PLCH1: variants seen among roughly 807,000 people sequenced by gnomAD.
The protein encoded by PLCH1 is 1-phosphatidylinositol 4,5-bisphosphate phosphodiesterase eta-1.
A neutral mutation model predicts 126.7 loss-of-function variants in PLCH1; 60 were observed. That is an observed-to-expected ratio of 0.47 (90% CI 0.38 to 0.59). The LOEUF is 0.59. Among genes scored for constraint, PLCH1 ranks in the 20% least tolerant of loss-of-function variants. The probability of loss-of-function intolerance (pLI) is 0.00; values close to 1 mark genes in which losing one functional copy is unlikely to be tolerated. For missense variants in PLCH1, 1,723 were observed against 2,040.0 expected, an observed-to-expected ratio of 0.84 and a Z score of 2.99; for synonymous variants, 719 against 734.9, an observed-to-expected ratio of 0.98 and a Z score of 0.35.
At chr3:155,485,306 G>C (rs1229210426) in intron 22 of PLCH1, 50 bp downstream of exon 22, 1 of 1,162,724 alleles carries the variant, frequency 8.6e-7, no homozygotes, top group South Asian at 1.4e-5. Context: ...AACAGGGACT[G>C]ACATGCAGCC....
At chr3:155,650,919 TC>T (rs1263838086) in intron 2 of PLCH1, among the ~76,000 whole-genome samples, 2 of 152,100 alleles carry the variant, frequency 1.3e-5, no homozygotes, top group Non-Finnish European at 2.9e-5. Flanking sequence ...GTGCCTGCAG[TC>T]CCAGCTACTA....
At position 155,569,730 on chromosome 3, in the gene PLCH1, G is replaced by A. The variant is rs555958806; in HGVS notation, c.772-1406C>T. Among the ~76,000 whole-genome samples the A allele has an allele frequency of 1.3e-4, 20 of 152,182 alleles. No homozygotes were observed. In the South Asian group the frequency reaches 1.7e-3, roughly 13 times the overall value. ...CAAATTGATAACAATTTTACATGCCGTGTGAAGACTAAGTTCACTTTGCAA... is the reference window on the plus strand; with the variant it reads ...CAAATTGATAACAATTTTACATGCCATGTGAAGACTAAGTTCACTTTGCAA... On this transcript the variant is annotated intron_variant, in intron 6 of 22. Coordinates refer to ENST00000460012, the MANE Select transcript of PLCH1 (RefSeq NM_014996.4).
chr3:155,590,294 C>A (rs1477701683), intron 4 of PLCH1, among the ~76,000 whole-genome samples: 1 of 152,144 alleles, frequency 6.6e-6, no homozygotes, highest in East Asian at 1.9e-4. Context: ...AAGATACTAT[C>A]TAGGCCAGGT....
chr3:155,673,458 G>T (rs761646416), intron 2 of PLCH1, among the ~76,000 whole-genome samples: 14 of 151,978 alleles, frequency 9.2e-5, no homozygotes, highest in Non-Finnish European at 1.6e-4. Flanking sequence ...TCCACAAGAA[G>T]CTCTCCATTT....
intron 10 of PLCH1, among the ~76,000 whole-genome samples, chr3:155,543,178 C>T (rs1326134540): frequency 6.6e-6 from 1 of 152,046 alleles, no homozygotes; most frequent in African/African-American, 2.4e-5. Context: ...AGAACCAATA[C>T]AGAGAAGTAC....
intron 2 of PLCH1, among the ~76,000 whole-genome samples, chr3:155,600,602 T>TAA (rs5853725): frequency 0.012 from 1,526 of 128,214 alleles, 25 homozygotes; most frequent in African/African-American, 0.047. Flanking sequence ...TTAAGATAGC[T>TAA]AAAAAAAAAA....
intron 10 of PLCH1, among the ~76,000 whole-genome samples, chr3:155,544,512 G>C (rs1724902354): frequency 6.6e-6 from 1 of 152,094 alleles, no homozygotes; most frequent in Non-Finnish European, 1.5e-5. Context: ...TCCAGGAATT[G>C]AAGTCAGCTC....
chr3:155,511,359 A>G (rs1719456488), intron 12 of PLCH1, among the ~76,000 whole-genome samples: 1 of 129,846 alleles, frequency 7.7e-6, no homozygotes, highest in African/African-American at 3.7e-5. Context: ...TCAGCTCGTC[A>G]AAATCATTCT....
rs9289957 is a variant in PLCH1 at position 155,583,475 on chromosome 3, T to C, written c.768A>G (p.Gln256=). Residue 256 remains glutamine (Q), a synonymous_variant, in exon 6 of 23, where the codon CAA becomes CAG. Transcript: ENST00000460012. ...EELAQFLKVE[Q]KMNNVTTDYC... is the part of the protein sequence containing the mutation. ...CATTTTAACAGTCTAATGATACCTT[T>C]TGCTCCACCTTCAAAAACTGAGCCA... 95,990 of 1,599,298 alleles carry C rather than the reference T, an allele frequency of 0.06. 3,400 individuals are homozygous for C. Among genetic ancestry groups the C allele is most frequent in the Non-Finnish European group, 0.07 (82,508 of 1,173,602 alleles).
chr3:155,650,644 TA>T (rs1740606194), intron 2 of PLCH1, among the ~76,000 whole-genome samples: 1 of 152,244 alleles, frequency 6.6e-6, no homozygotes, highest in African/African-American at 2.4e-5. Context: ...ACATTATACC[TA>T]CCTCATATTC....
chr3:155,598,958 G>A (rs1047390981), intron 2 of PLCH1, among the ~76,000 whole-genome samples: 2 of 151,846 alleles, frequency 1.3e-5, no homozygotes, highest in African/African-American at 4.8e-5. Flanking sequence ...GGTCATGCAA[G>A]TGGGGCCCCA....
intron 2 of PLCH1, among the ~76,000 whole-genome samples, chr3:155,605,744 C>T (rs1734270840): frequency 6.6e-6 from 1 of 152,202 alleles, no homozygotes; most frequent in Non-Finnish European, 1.5e-5. Context: ...TCTTTCTGGT[C>T]TGTTGTTTGT....
chr3:155,608,788 A>T (rs1391041014), intron 2 of PLCH1, among the ~76,000 whole-genome samples: 1 of 152,230 alleles, frequency 6.6e-6, no homozygotes, highest in East Asian at 1.9e-4. Flanking sequence ...AACACAAAAG[A>T]CATAAAGTCT....
intron 10 of PLCH1, among the ~76,000 whole-genome samples, chr3:155,545,377 G>A (rs942376590): frequency 1.4e-5 from 2 of 145,534 alleles, no homozygotes; most frequent in African/African-American, 5.3e-5. Context: ...AACAGGCTCT[G>A]AAATTGTGTC....
At chr3:155,548,107 T>C (rs560845172) in intron 10 of PLCH1, among the ~76,000 whole-genome samples, 29 of 152,268 alleles carry the variant, frequency 1.9e-4, no homozygotes, top group African/African-American at 6.5e-4. Context: ...TTTACACATA[T>C]ATAAATGTGT....
intron 10 of PLCH1, among the ~76,000 whole-genome samples, chr3:155,544,916 A>G (rs918426822): frequency 2.6e-5 from 4 of 151,398 alleles, no homozygotes; most frequent in East Asian, 3.8e-4. Context: ...ATAGCACTAA[A>G]TGCCCATAAG....
chr3:155,579,883 T>A (rs1242684911), intron 6 of PLCH1, among the ~76,000 whole-genome samples: 1 of 151,996 alleles, frequency 6.6e-6, no homozygotes, highest in East Asian at 1.9e-4. Flanking sequence ...TCTCTGTCTG[T>A]CTGTCTCTCT....
At chr3:155,694,991 T>C (rs1745691973) in intron 2 of PLCH1, among the ~76,000 whole-genome samples, 1 of 149,122 alleles carries the variant, frequency 6.7e-6, no homozygotes, top group Non-Finnish European at 1.5e-5. Flanking sequence ...TATTCTGTGC[T>C]CTCTGCAGTA....
intron 9 of PLCH1, among the ~76,000 whole-genome samples, chr3:155,553,180 T>C (rs1432124408): frequency 1.3e-5 from 2 of 152,192 alleles, no homozygotes; most frequent in African/African-American, 4.8e-5. Flanking sequence ...AGTGGTGCAA[T>C]CTCAGCTCAC....
Sources: gnomAD v4.1 joint callset for allele counts (sites outside exome capture counted in the v4.1 genomes callset) on GRCh38, gnomAD v4.1.1 for gene constraint, MANE v1.5 for transcripts, NCBI Gene and HGNC (gene_info 2026-07-23, HGNC 2026-07-21) for gene names.